PCDHA2: variants seen among roughly 807,000 people sequenced by gnomAD.
PCDHA2 encodes the protein protocadherin alpha 2, also known as protocadherin alpha-2.
A neutral mutation model predicts 66.0 loss-of-function variants in PCDHA2; 58 were observed. That is an observed-to-expected ratio of 0.88 (90% CI 0.71 to 1.09). The LOEUF (loss-of-function observed/expected upper bound fraction) is 1.09, where lower values mean the gene tolerates loss of function less well. Among genes scored for constraint, PCDHA2 ranks in the 50% least tolerant of loss-of-function variants. The pLI, the probability that PCDHA2 is intolerant of heterozygous loss-of-function variation, is 0.00. For missense variants in PCDHA2, 1,267 were observed against 1,242.3 expected, an observed-to-expected ratio of 1.02 and a Z score of -0.30; for synonymous variants, 634 against 554.0, an observed-to-expected ratio of 1.14 and a Z score of -2.03.
rs782772973 is a variant in PCDHA2, at chr5:140,855,915, T to C, written c.2388+58563T>C. 2.5e-5 allele frequency: 30 copies of C among 1,191,312 alleles called. 2 individuals are homozygous for C. Among genetic ancestry groups the C allele is most frequent in the Non-Finnish European group, 3.1e-5 (26 of 850,126 alleles). 73.8% of individuals were successfully genotyped at this position (1,191,312 alleles called of 1,614,324 possible). A position where few individuals can be genotyped will look rare whatever the true frequency, so the allele number is the denominator to read the frequency against. On this transcript the variant is annotated intron_variant, in intron 1 of 3. Coordinates refer to ENST00000526136, the MANE Select transcript of PCDHA2 (RefSeq NM_018905.3). The stretch of plus-strand genomic sequence containing the variant: ...AGGCATCAGCCAGTTTCTCAAGGAC[T>C]AGGAAGTAGCGTCATTCTGAGATCT...
Position 140,807,801 on chromosome 5 carries a change from C to T in PCDHA2, c.2388+10449C>T, listed in dbSNP as rs782056776. The T allele has an allele frequency of 6.2e-6, 10 of 1,614,018 alleles. No individual in the cohort carries two copies. The Admixed American group carries it at 1.5e-4, about 24-fold the overall frequency. ...CGGAAATCTTTAGACAGAGAAGAAG[C>T]TCCGGAGATTTTTTTAGTGCTCACA... On this transcript the variant is annotated intron_variant, in intron 1 of 3. Transcript: ENST00000526136.
At chr5:140,892,885 ACCAACCTTTCC>A (rs1269753589) in intron 1 of PCDHA2, among the ~76,000 whole-genome samples, 1 of 152,154 alleles carries the variant, frequency 6.6e-6, no homozygotes, top group Non-Finnish European at 1.5e-5. Flanking sequence ...GTATCCATTA[ACCAACCTTTCC>A]CCATCCTCCT....
At chr5:140,914,646 C>A (rs2076792238) in intron 1 of PCDHA2, among the ~76,000 whole-genome samples, 1 of 152,018 alleles carries the variant, frequency 6.6e-6, no homozygotes, top group Admixed American at 6.5e-5. Context: ...ATGGTCATCT[C>A]TCCCTTCTTT....
In PCDHA2 at chr5:140,849,837, G is replaced by A. The variant is rs2150452785; in HGVS notation, c.2388+52485G>A. The A allele has an allele frequency of 9.4e-6, 15 of 1,598,674 alleles. 2 individuals are homozygous for A. The Admixed American group carries it at 2.0e-4, about 22-fold the overall frequency. On this transcript the variant is annotated intron_variant, in intron 1 of 3. Coordinates refer to ENST00000526136, the MANE Select transcript of PCDHA2 (RefSeq NM_018905.3). ...CAGGGTGTCTGTGGAGGTGGCCGAC[G>A]TGAACGACAACGCACCAGCGTTCGC...
chr5:140,893,778 A>G (rs1017243223), intron 1 of PCDHA2, among the ~76,000 whole-genome samples: 2 of 151,936 alleles, frequency 1.3e-5, no homozygotes, highest in South Asian at 4.2e-4. Flanking sequence ...CTTTTCTTTT[A>G]CCGTTTTTAG....
chr5:140,871,668 T>G (rs2053250173), intron 1 of PCDHA2: 6 of 1,174,012 alleles, frequency 5.1e-6, no homozygotes, highest in Non-Finnish European at 7.0e-6. Context: ...CTTCAGTCTT[T>G]TAATCATATG....
intron 1 of PCDHA2, among the ~76,000 whole-genome samples, chr5:140,974,524 T>C (rs976398044): frequency 5.9e-5 from 9 of 152,210 alleles, no homozygotes; most frequent in African/African-American, 9.7e-5. Flanking sequence ...TATTTTAGTT[T>C]TTTTGAGACG....
At chr5:140,824,611 T>TTG (rs1554129944) in intron 1 of PCDHA2, 3 of 19,848 alleles carry the variant, frequency 1.5e-4, no homozygotes, top group African/African-American at 5.0e-4. Context: ...CTAATTAAAG[T>TTG]TTTTTTTTTT....
intron 1 of PCDHA2, among the ~76,000 whole-genome samples, chr5:140,826,894 G>A (rs1466105298): frequency 6.6e-6 from 1 of 152,116 alleles, no homozygotes; most frequent in East Asian, 1.9e-4. Context: ...TACTCATAAA[G>A]ATAAATATGA....
intron 1 of PCDHA2, among the ~76,000 whole-genome samples, chr5:140,940,100 C>T (rs536415343): frequency 6.6e-6 from 1 of 152,094 alleles, no homozygotes; most frequent in South Asian, 2.1e-4. Flanking sequence ...AAACTTTTAG[C>T]GTTATGTATT....
intron 1 of PCDHA2, chr5:140,884,538 G>C: frequency 6.2e-7 from 1 of 1,614,112 alleles, no homozygotes; most frequent in Non-Finnish European, 8.5e-7. Flanking sequence ...AGGCGGCCGA[G>C]GGTGTGCTCT....
chr5:140,882,852 T>C, intron 1 of PCDHA2: 2 of 1,614,216 alleles, frequency 1.2e-6, no homozygotes, highest in Non-Finnish European at 1.7e-6. Flanking sequence ...TTATCACTTG[T>C]ACTGAGGAAA....
chr5:140,801,813 C>T, intron 1 of PCDHA2: 2 of 1,614,110 alleles, frequency 1.2e-6, no homozygotes, highest in Non-Finnish European at 1.7e-6. Context: ...AGAGGACACT[C>T]CTAAGCATTA....
intron 1 of PCDHA2, among the ~76,000 whole-genome samples, chr5:140,917,332 G>C (rs182473611): frequency 8.9e-5 from 13 of 145,644 alleles, no homozygotes; most frequent in East Asian, 6.0e-4. Flanking sequence ...GGCGGGGGAG[G>C]GGGGGGATGG....
intron 1 of PCDHA2, chr5:140,821,888 C>T (rs1554128295): frequency 5.6e-6 from 9 of 1,614,106 alleles, no homozygotes; most frequent in Non-Finnish European, 7.6e-6. Context: ...CCGGAGGAAG[C>T]CAAACACGGA....
intron 3 of PCDHA2, among the ~76,000 whole-genome samples, chr5:140,987,107 G>C (rs936936352): frequency 2.0e-5 from 3 of 151,876 alleles, no homozygotes; most frequent in Admixed American, 6.6e-5. Context: ...CCAGCTACTC[G>C]GGAGGCTGAG....
At chr5:140,870,817 G>A in intron 1 of PCDHA2, 6 of 1,613,726 alleles carry the variant, frequency 3.7e-6, no homozygotes, top group Non-Finnish European at 5.1e-6. Context: ...GGCTGGCAGC[G>A]CGGGAGGCGC....
In PCDHA2 at chr5:141,011,894, T is replaced by G. The variant is rs1303053966; in HGVS notation, c.*1957T>G. 6.5e-6 allele frequency: 1 copy of G among 153,306 alleles called. No homozygotes were observed. The highest frequency in any genetic ancestry group is 1.5e-5 in the Non-Finnish European group (1 of 68,044). The allele number at this position is 153,306 out of a possible 1,614,324, so 9.5% of individuals were successfully genotyped here. ...AATTTAGAAGTTTGATTAATTATAT[T>G]ATCTATTTAGGCATTAATATAAAAG... On this transcript the variant is annotated 3_prime_UTR_variant, in exon 4 of 4. Transcript: ENST00000526136.
chr5:140,953,858 T>C (rs568873240), intron 1 of PCDHA2, among the ~76,000 whole-genome samples: 10 of 152,328 alleles, frequency 6.6e-5, no homozygotes, highest in African/African-American at 1.9e-4. Flanking sequence ...TGTGCCATGG[T>C]GGTTTGCTGC....
Sources: allele counts gnomAD v4.1 joint callset (sites outside exome capture counted in the v4.1 genomes callset), GRCh38; gene constraint gnomAD v4.1.1; transcripts MANE v1.5; gene names NCBI Gene and HGNC (gene_info 2026-07-23, HGNC 2026-07-21).